The following NDRG4 variants were observed in gnomAD, a reference collection of about 807,000 sequenced individuals.
NDRG4 encodes the protein NDRG family member 4, also known as protein NDRG4.
A neutral mutation model predicts 55.8 loss-of-function variants in NDRG4; 38 were observed. That is an observed-to-expected ratio of 0.68 (90% CI 0.53 to 0.89). The LOEUF (loss-of-function observed/expected upper bound fraction) is 0.89, where lower values mean the gene tolerates loss of function less well. Among genes scored for constraint, NDRG4 ranks in the 40% least tolerant of loss-of-function variants. The probability of loss-of-function intolerance (pLI) is 0.00; values close to 1 mark genes in which losing one functional copy is unlikely to be tolerated. For missense variants in NDRG4, 455 were observed against 468.6 expected, an observed-to-expected ratio of 0.97 and a Z score of 0.27; for synonymous variants, 190 against 182.7, an observed-to-expected ratio of 1.04 and a Z score of -0.32.
chr16:58,479,843 G>A (rs536782908), intron 1 of NDRG4, among the ~76,000 whole-genome samples: 2 of 152,266 alleles, frequency 1.3e-5, no homozygotes, highest in African/African-American at 4.8e-5. Context: ...TTTCTCTGAC[G>A]GCCAGTGAGG....
At chr16:58,496,559 G>A (rs2036434147), upstream of NDRG4, among the ~76,000 whole-genome samples, 1 of 152,076 alleles carries the variant, frequency 6.6e-6, no homozygotes, top group Admixed American at 6.6e-5. Flanking sequence ...CAGTGGGGGA[G>A]GTAGTATAGC....
chr16:58,493,310 G>C (rs1018370374), intron 2 of NDRG4, among the ~76,000 whole-genome samples: 2 of 152,108 alleles, frequency 1.3e-5, no homozygotes, highest in Non-Finnish European at 2.9e-5. Context: ...ACTCTATCAC[G>C]CAAGCTGGAG....
chr16:58,506,949 A>G lies in NDRG4; in HGVS notation c.554A>G (p.Tyr185Cys), dbSNP rs967560947. 2.5e-6 allele frequency: 4 copies of G among 1,614,140 alleles called. No homozygotes were observed. Among genetic ancestry groups the G allele is most frequent in the Admixed American group, 1.7e-5 (1 of 60,022 alleles). ...AACAACACAGAGTTGGTGCAGAGCTACCGGCAGCAGATTGGGAACGTGGTG... is the reference window on the plus strand; with the variant it reads ...AACAACACAGAGTTGGTGCAGAGCTGCCGGCAGCAGATTGGGAACGTGGTG... Reference protein sequence around the residue: ...LVNNTELVQSYRQQIGNVVNQ... With the variant: ...LVNNTELVQSCRQQIGNVVNQ... Residue 185 changes from tyrosine to cysteine, a missense_variant, in exon 8 of 15, where the codon TAC becomes TGC. Transcript: ENST00000570248.
At chr16:58,489,782 A>G (rs2035551960) in intron 2 of NDRG4, among the ~76,000 whole-genome samples, 1 of 152,044 alleles carries the variant, frequency 6.6e-6, no homozygotes, top group African/African-American at 2.4e-5. Flanking sequence ...CTTTCTAAAA[A>G]GTGCCCCCCT....
rs1447606435 is a variant in NDRG4 at position 58,494,706 on chromosome 16, C to A, written c.73-258C>A. ...GGTGGGCTGGGTGCGGTGTTTCATG[C>A]CTGTAATCCCAGCGCTTTAGGAGGC... is the stretch of plus-strand genomic sequence containing the variant. On this transcript the variant is annotated intron_variant, in intron 2 of 15. Coordinates refer to the NDRG4 transcript ENST00000258187. Among the ~76,000 whole-genome samples, 8 of 152,166 alleles carry A rather than the reference C, an allele frequency of 5.3e-5. No individual in the cohort carries two copies. In the East Asian group the frequency reaches 1.4e-3, roughly 26 times the overall value.
At chr16:58,494,968 G>T in exon 3 of NDRG4, 1 of 1,613,694 alleles carries the variant, frequency 6.2e-7, no homozygotes, top group African/African-American at 1.3e-5. Flanking sequence ...CCCTAGGAGA[G>T]CTCCGATGCC....
chr16:58,510,928 G>A (rs2038720754), intron 14 of NDRG4: 2 of 583,688 alleles, frequency 3.4e-6, no homozygotes, highest in African/African-American at 1.9e-5. Context: ...GAGCTCTGGG[G>A]ATAGGAAACA....
upstream of NDRG4, chr16:58,499,664 C>G (rs1003310200): frequency 3.8e-5 from 6 of 156,972 alleles, no homozygotes; most frequent in African/African-American, 1.2e-4. Context: ...GTCTGGTCCC[C>G]AAGATGTTGG....
upstream of NDRG4, among the ~76,000 whole-genome samples, chr16:58,497,925 C>T (rs1177282832): frequency 6.6e-6 from 1 of 152,040 alleles, no homozygotes; most frequent in Non-Finnish European, 1.5e-5. Context: ...ACAGTCCCTG[C>T]TTTACAATTA....
chr16:58,476,435 G>A (rs1393733849), intron 1 of NDRG4, among the ~76,000 whole-genome samples: 2 of 152,244 alleles, frequency 1.3e-5, no homozygotes. Context: ...GCCATGTTGT[G>A]TAGAGAAGCA....
chr16:58,487,815 A>T lies in NDRG4; in HGVS notation c.37A>T (p.Lys13Ter). 1 of 1,542,724 alleles carries T rather than the reference A, an allele frequency of 6.5e-7. No homozygotes were observed. The highest frequency in any genetic ancestry group is 8.7e-7 in the Non-Finnish European group (1 of 1,143,466). Residue 13 changes from lysine (K) to a stop codon, truncating the protein, a stop_gained, in exon 2 of 16, where the codon AAG (lysine) becomes TAG (stop). Coordinates refer to the NDRG4 transcript ENST00000258187. LOFTEE classifies it high-confidence loss of function. ...GCAGGAGCTGCGATTCCCTGAGGAG[A>T]AGCCGCTGCTCCGGGGCCAGGACGC...
intron 1 of NDRG4, 75 bp downstream of exon 1, chr16:58,500,344 G>C: frequency 6.6e-7 from 1 of 1,509,414 alleles, no homozygotes; most frequent in East Asian, 2.5e-5. Context: ...CAGGGAGGAA[G>C]TGCCCCCCTC....
chr16:58,484,514 C>G (rs1323059551), intron 1 of NDRG4, among the ~76,000 whole-genome samples: 1 of 152,196 alleles, frequency 6.6e-6, no homozygotes, highest in Non-Finnish European at 1.5e-5. Flanking sequence ...AGGAGAAATG[C>G]CAGCCTGGTT....
intron 8 of NDRG4, 55 bp downstream of exon 8, chr16:58,507,070 C>A: frequency 7.3e-7 from 1 of 1,365,922 alleles, no homozygotes; most frequent in Non-Finnish European, 1.0e-6. Context: ...GGGGCCCTTG[C>A]ACACTGCCCC....
intron 13 of NDRG4, among the ~76,000 whole-genome samples, chr16:58,510,208 C>G (rs756028621): frequency 6.6e-6 from 1 of 152,208 alleles, no homozygotes; most frequent in Non-Finnish European, 1.5e-5. Flanking sequence ...GGAGGCTCCG[C>G]AGGAGCACAG....
chr16:58,483,387 G>A (rs1319338765), intron 1 of NDRG4, among the ~76,000 whole-genome samples: 1 of 151,954 alleles, frequency 6.6e-6, no homozygotes, highest in African/African-American at 2.4e-5. Context: ...AGAAGAAGGA[G>A]AAAAGGAGAA....
chr16:58,504,477 G>C, intron 4 of NDRG4, 56 bp downstream of exon 4: 2 of 1,612,046 alleles, frequency 1.2e-6, no homozygotes, highest in Non-Finnish European at 1.7e-6. Context: ...CCCAACTGCA[G>C]AGCCACCTGG....
At chr16:58,495,248 C>T (rs1318587843), upstream of NDRG4, among the ~76,000 whole-genome samples, 1 of 152,202 alleles carries the variant, frequency 6.6e-6, no homozygotes, top group Non-Finnish European at 1.5e-5. Context: ...TCAGCATTTT[C>T]CTCCAATGAA....
At chr16:58,508,476 G>A (rs542586791) in intron 10 of NDRG4, among the ~76,000 whole-genome samples, 20 of 152,316 alleles carry the variant, frequency 1.3e-4, no homozygotes, top group African/African-American at 4.3e-4. Context: ...TGCCCCATCA[G>A]CACAGAGCTG....
Sources: allele counts gnomAD v4.1 joint callset (sites outside exome capture counted in the v4.1 genomes callset), GRCh38; gene constraint gnomAD v4.1.1; transcripts MANE v1.5; gene names NCBI Gene and HGNC (gene_info 2026-07-23, HGNC 2026-07-21).